ZBBX: variants seen among roughly 807,000 people sequenced by gnomAD.
ZBBX encodes zinc finger B-box domain containing, also known as zinc finger B-box domain-containing protein 1.
Under a neutral mutation model 108.5 loss-of-function variants are expected in ZBBX, and 101 were observed. The observed-to-expected ratio is 0.93, with a 90% CI of 0.79 to 1.10. The LOEUF (loss-of-function observed/expected upper bound fraction) is 1.10. Ranked by LOEUF, ZBBX falls within the 50% of genes least tolerant of loss-of-function variation. ZBBX has a pLI of 0.00. For synonymous variants in ZBBX, 356 were observed against 323.4 expected (o/e 1.10, Z -1.08); for missense variants, 1,009 against 941.4 (o/e 1.07, Z -0.94).
At chr3:167,365,460 G>C (rs1745179775) in intron 6 of ZBBX, among the ~76,000 whole-genome samples, 1 of 151,596 alleles carries the variant, frequency 6.6e-6, no homozygotes, top group African/African-American at 2.4e-5. Flanking sequence ...GGAATCAACA[G>C]TATATGAATA....
At chr3:167,307,114 T>C (rs1263792701) in intron 16 of ZBBX, among the ~76,000 whole-genome samples, 1 of 152,124 alleles carries the variant, frequency 6.6e-6, no homozygotes, top group African/African-American at 2.4e-5. Context: ...AAACTAGGTA[T>C]TGAAGGAATA....
intron 20 of ZBBX, among the ~76,000 whole-genome samples, chr3:167,273,767 C>T (rs561804818): frequency 7.2e-5 from 11 of 152,234 alleles, no homozygotes; most frequent in East Asian, 3.9e-4. Flanking sequence ...AAAAACACAA[C>T]GCCACAAAAT....
upstream of ZBBX, among the ~76,000 whole-genome samples, chr3:167,382,625 T>C (rs1747789508): frequency 1.3e-5 from 2 of 152,126 alleles, 1 homozygote; most frequent in African/African-American, 4.8e-5. Flanking sequence ...TCAGGGACTG[T>C]AAACAAGCAT....
At chr3:167,288,079 C>A (rs560528830) in intron 19 of ZBBX, among the ~76,000 whole-genome samples, 2 of 152,198 alleles carry the variant, frequency 1.3e-5, no homozygotes, top group East Asian at 3.9e-4. Context: ...ACTTACATAT[C>A]TCTTTTATCC....
In ZBBX at chr3:167,298,450, T is replaced by A; in HGVS notation, c.1734A>T (p.Gln578His). ...TAGGCTTACTTCTGCAGGCTATTTC[T>A]TGTAACAACTAAGAAACAAAATATT... ...SKTTKSSLLLQEIACRSKPIT... is the reference protein window; with the variant it reads ...SKTTKSSLLLHEIACRSKPIT... Residue 578 changes from glutamine to histidine, a missense_variant, in exon 18 of 22, where the codon CAA becomes CAT. Physicochemically the swap from Gln to His is conservative, Grantham distance 24. Transcript: ENST00000675490. 1 of 1,494,722 alleles carries A rather than the reference T, an allele frequency of 6.7e-7. No homozygotes were observed. Among genetic ancestry groups the A allele is most frequent in the South Asian group, 1.4e-5 (1 of 71,002 alleles). The allele number at this position is 1,494,722 out of a possible 1,614,324, so 92.6% of individuals were successfully genotyped here. A position where few individuals can be genotyped will look rare whatever the true frequency, so the allele number is the denominator to read the frequency against.
chr3:167,310,390 A>G (rs776991622), intron 16 of ZBBX, among the ~76,000 whole-genome samples: 1 of 152,158 alleles, frequency 6.6e-6, no homozygotes, highest in Non-Finnish European at 1.5e-5. Flanking sequence ...GTATCTTTAC[A>G]GCACTACTTC....
the ZBBX span, among the ~76,000 whole-genome samples, chr3:167,218,676 T>A: frequency 6.7e-6 from 1 of 150,116 alleles, no homozygotes; most frequent in Non-Finnish European, 1.5e-5. Flanking sequence ...CCAGAGAAAA[T>A]CATCTTCACT....
chr3:167,367,512 A>T (rs1029752850), intron 5 of ZBBX, among the ~76,000 whole-genome samples: 1 of 151,696 alleles, frequency 6.6e-6, no homozygotes, highest in Admixed American at 6.6e-5. Context: ...TTCTGATGTG[A>T]TAGGAGCATT....
At chr3:167,255,179 G>GA (rs1276165376) in intron 20 of ZBBX, among the ~76,000 whole-genome samples, 2 of 151,820 alleles carry the variant, frequency 1.3e-5, no homozygotes, top group African/African-American at 4.8e-5. Flanking sequence ...AAAGTTTAAT[G>GA]AAAAAAGCTG....
intron 20 of ZBBX, among the ~76,000 whole-genome samples, chr3:167,263,866 T>A (rs959556246): frequency 1.3e-5 from 2 of 152,238 alleles, no homozygotes; most frequent in Non-Finnish European, 1.5e-5. Flanking sequence ...TCTTTAGTTC[T>A]AATAATATTT....
the ZBBX span, among the ~76,000 whole-genome samples, chr3:167,223,290 G>A: frequency 6.6e-6 from 1 of 151,900 alleles, no homozygotes; most frequent in African/African-American, 2.4e-5. Flanking sequence ...CCCTTGAAGT[G>A]AAGGTCTTAT....
chr3:167,392,036 T>C (rs942566896), intron 1 of ZBBX, among the ~76,000 whole-genome samples: 4 of 151,748 alleles, frequency 2.6e-5, no homozygotes, highest in African/African-American at 7.2e-5. Context: ...GCCTACCCTA[T>C]GCACTTGCAA....
intron 1 of ZBBX, among the ~76,000 whole-genome samples, chr3:167,395,422 C>A (rs1455773676): frequency 6.6e-6 from 1 of 151,820 alleles, no homozygotes; most frequent in African/African-American, 2.4e-5. Flanking sequence ...GGCAGGAGTG[C>A]CAGAGTTAGA....
intron 18 of ZBBX, among the ~76,000 whole-genome samples, chr3:167,289,486 G>A (rs1730274758): frequency 6.6e-6 from 1 of 152,164 alleles, no homozygotes; most frequent in African/African-American, 2.4e-5. Flanking sequence ...AGCAGGGTGT[G>A]GTGTCACCTT....
chr3:167,359,968 G>A lies in ZBBX; in HGVS notation c.334C>T (p.Pro112Ser). The change falls in exon 8 of 22, where the codon CCA becomes TCA. Residue 112 changes from proline (P) to serine (S), a missense_variant. Transcript: ENST00000675490. ...TTTGCCATTTTATAATTAACTGTTG[G>A]TTTCACTGGCTCTGCAAGATAAAAA... ...LKEQIQEPVK[P>S]TVNYKMANSS... 6.3e-7 allele frequency: 1 copy of A among 1,579,718 alleles called. No homozygotes were observed. Among genetic ancestry groups the A allele is most frequent in the Admixed American group, 1.7e-5 (1 of 57,594 alleles).
intron 20 of ZBBX, among the ~76,000 whole-genome samples, chr3:167,278,664 C>G (rs1255797050): frequency 2.6e-5 from 4 of 151,424 alleles, no homozygotes; most frequent in Non-Finnish European, 5.9e-5. Context: ...CGAATTCTAC[C>G]AGAGGTACAA....
At position 167,328,112 on chromosome 3, in the gene ZBBX, T is replaced by A; in HGVS notation, c.692A>T (p.Glu231Val). The change falls in exon 11 of 22, where the codon GAA (glutamate) becomes GTA (valine). Residue 231 changes from glutamate (E) to valine (V), a missense_variant. Physicochemically the swap from Glu to Val is moderately radical, Grantham distance 121. Transcript: ENST00000675490. ...TTGTGCTCTTTTCATCGTTGTAATT[T>A]CTACCTAATTAAAAGGATACATAGG... The part of the protein sequence containing the change: ...VLLQRSSSEV[E>V]ITTMKRAQRT... 1 of 1,608,722 alleles carries A rather than the reference T, an allele frequency of 6.2e-7. No homozygotes were observed. The highest frequency in any genetic ancestry group is 8.5e-7 in the Non-Finnish European group (1 of 1,178,528).
chr3:167,193,961 C>A, the ZBBX span, among the ~76,000 whole-genome samples: 1 of 151,648 alleles, frequency 6.6e-6, no homozygotes, highest in Admixed American at 6.6e-5. Context: ...TTAATGGTTG[C>A]CAGAAGTTAG....
chr3:167,358,935 C>CAAAAAAA (rs59753251), intron 8 of ZBBX, among the ~76,000 whole-genome samples: 2 of 66,230 alleles, frequency 3.0e-5, no homozygotes, highest in Admixed American at 2.4e-4. Flanking sequence ...GACTCCATCT[C>CAAAAAAA]AAAAAAAAAA....
Sources: gnomAD v4.1 joint callset for allele counts (sites outside exome capture counted in the v4.1 genomes callset) on GRCh38, gnomAD v4.1.1 for gene constraint, MANE v1.5 for transcripts, NCBI Gene and HGNC (gene_info 2026-07-23, HGNC 2026-07-21) for gene names.